The following GRM7 variants were observed in gnomAD, a reference collection of about 807,000 sequenced individuals.
The protein encoded by GRM7 is glutamate metabotropic receptor 7, also known as metabotropic glutamate receptor 7.
In GRM7, 35 loss-of-function variants were observed where a neutral mutation model predicts 84.5. The ratio of observed to expected loss-of-function variants is 0.41; its 90% CI spans 0.32 to 0.55. GRM7 has a LOEUF of 0.55. Among genes scored for constraint, GRM7 ranks in the 20% least tolerant of loss-of-function variants. The pLI, the probability that GRM7 is intolerant of heterozygous loss-of-function variation, is 0.19. For missense variants in GRM7, 1,003 were observed against 1,194.6 expected (o/e 0.84, Z 2.36); for synonymous variants, 487 against 455.1 (o/e 1.07, Z -0.89).
intron 8 of GRM7, among the ~76,000 whole-genome samples, chr3:7,621,162 T>C (rs1046672236): frequency 6.6e-6 from 1 of 152,080 alleles, no homozygotes; most frequent in Non-Finnish European, 1.5e-5. Flanking sequence ...TTGGCAAACA[T>C]CAGTGAAATG....
intron 1 of GRM7, among the ~76,000 whole-genome samples, chr3:6,974,973 G>A (rs1026982088): frequency 6.6e-6 from 1 of 152,168 alleles, no homozygotes; most frequent in Non-Finnish European, 1.5e-5. Flanking sequence ...GTTTGATCCA[G>A]TAGAGGCAGA....
intron 1 of GRM7, among the ~76,000 whole-genome samples, chr3:6,871,894 G>A (rs1240736906): frequency 6.6e-6 from 1 of 151,988 alleles, no homozygotes; most frequent in Non-Finnish European, 1.5e-5. Flanking sequence ...CCATAATTAA[G>A]TTCAGTAGAG....
intron 4 of GRM7, among the ~76,000 whole-genome samples, chr3:7,324,133 A>C (rs536705190): frequency 1.3e-5 from 2 of 152,258 alleles, no homozygotes; most frequent in South Asian, 4.1e-4. Context: ...CCAGGACTCC[A>C]TTTATTTCCT....
intron 1 of GRM7, among the ~76,000 whole-genome samples, chr3:6,879,202 C>A (rs1179746700): frequency 6.6e-6 from 1 of 152,176 alleles, no homozygotes; most frequent in South Asian, 2.1e-4. Context: ...CCAAGTCATA[C>A]AACCAGTAAG....
intron 2 of GRM7, among the ~76,000 whole-genome samples, chr3:7,210,662 C>T (rs943260875): frequency 1.3e-5 from 2 of 152,290 alleles, no homozygotes; most frequent in Non-Finnish European, 1.5e-5. Flanking sequence ...ACTGTGTCAG[C>T]ATCTAAGCTG....
chr3:7,552,833 G>A (rs757368883), intron 7 of GRM7, among the ~76,000 whole-genome samples: 1 of 152,194 alleles, frequency 6.6e-6, no homozygotes, highest in African/African-American at 2.4e-5. Context: ...GAAGACCTCT[G>A]ACACGCCCTG....
At chr3:7,634,487 A>AAAAAAAT (rs1697986980) in intron 8 of GRM7, among the ~76,000 whole-genome samples, 1 of 123,072 alleles carries the variant, frequency 8.1e-6, no homozygotes, top group Non-Finnish European at 1.8e-5. Flanking sequence ...TCCAAAAAAA[A>AAAAAAAT]AAAAAAAAAA....
At position 7,353,928 on chromosome 3, in the gene GRM7, T is replaced by C. The variant is rs114734952; in HGVS notation, c.1033+47276T>C. On this transcript the variant is annotated intron_variant, in intron 4 of 9. Coordinates refer to ENST00000357716, the MANE Select transcript of GRM7 (RefSeq NM_000844.4). ...ATTGGCTAATTAATCATGGTGTTTCTATAAGTGAAAAAGATAGGAAGGCTA... is the reference window on the plus strand; with the variant it reads ...ATTGGCTAATTAATCATGGTGTTTCCATAAGTGAAAAAGATAGGAAGGCTA... 2.4e-3 allele frequency among the ~76,000 whole-genome samples: 362 copies of C among 152,280 alleles called. 4 individuals are homozygous for C. The highest frequency in any genetic ancestry group is 8.3e-3 in the African/African-American group (345 of 41,570).
intron 1 of GRM7, among the ~76,000 whole-genome samples, chr3:7,028,390 T>C (rs753004795): frequency 1.3e-5 from 2 of 152,170 alleles, no homozygotes; most frequent in South Asian, 2.1e-4. Flanking sequence ...AATATCTTTA[T>C]TGGATGGTTC....
chr3:6,960,487 C>G (rs961313560), intron 1 of GRM7, among the ~76,000 whole-genome samples: 1 of 152,130 alleles, frequency 6.6e-6, no homozygotes, highest in Non-Finnish European at 1.5e-5. Context: ...TCCCATCATG[C>G]CTTTATTCCC....
chr3:7,686,526 G>A, intron 9 of GRM7: 2 of 687,882 alleles, frequency 2.9e-6, no homozygotes, highest in South Asian at 1.7e-5. Context: ...CATGGAAACT[G>A]TGCATGATTA....
chr3:6,913,976 C>T (rs1696860034), intron 1 of GRM7, among the ~76,000 whole-genome samples: 1 of 152,128 alleles, frequency 6.6e-6, no homozygotes, highest in East Asian at 1.9e-4. Context: ...AAACTCCCTC[C>T]CATTATAACT....
At chr3:7,267,083 C>G (rs1698669256) in intron 2 of GRM7, among the ~76,000 whole-genome samples, 1 of 152,130 alleles carries the variant, frequency 6.6e-6, no homozygotes, top group Non-Finnish European at 1.5e-5. Flanking sequence ...ATAACTATTT[C>G]TGTGTATTTG....
At chr3:7,059,780 C>T (rs536994846) in intron 1 of GRM7, among the ~76,000 whole-genome samples, 24 of 151,882 alleles carry the variant, frequency 1.6e-4, no homozygotes, top group African/African-American at 5.8e-4. Context: ...TACCTAACCC[C>T]TTCTGCCATG....
intron 9 of GRM7, among the ~76,000 whole-genome samples, chr3:7,700,996 T>G (rs1345787109): frequency 6.6e-6 from 1 of 152,138 alleles, no homozygotes; most frequent in Admixed American, 6.5e-5. Context: ...ATCAATAAAA[T>G]CCTATGAGGG....
At chr3:6,992,705 T>C (rs1314617192) in intron 1 of GRM7, among the ~76,000 whole-genome samples, 1 of 152,082 alleles carries the variant, frequency 6.6e-6, no homozygotes, top group African/African-American at 2.4e-5. Context: ...ACAGGAGCCA[T>C]AACCATGAAG....
intron 2 of GRM7, among the ~76,000 whole-genome samples, chr3:7,230,040 C>A (rs186197173): frequency 6.6e-6 from 1 of 151,198 alleles, no homozygotes; most frequent in African/African-American, 2.4e-5. Context: ...GGGGTTTCAC[C>A]GTGTTAGCCA....
chr3:6,887,977 G>T (rs1350881097), intron 1 of GRM7, among the ~76,000 whole-genome samples: 1 of 152,108 alleles, frequency 6.6e-6, no homozygotes, highest in Admixed American at 6.6e-5. Context: ...TTCTCTTATG[G>T]CCAGTGATGG....
At chr3:7,335,769 T>A (rs763402382) in intron 4 of GRM7, among the ~76,000 whole-genome samples, 1 of 152,094 alleles carries the variant, frequency 6.6e-6, no homozygotes. Context: ...TCAAGGCTAC[T>A]GTGAACACCT....
Sources: gnomAD v4.1 joint callset for allele counts (sites outside exome capture counted in the v4.1 genomes callset) on GRCh38, gnomAD v4.1.1 for gene constraint, MANE v1.5 for transcripts, NCBI Gene and HGNC (gene_info 2026-07-23, HGNC 2026-07-21) for gene names.